Variants in RAB3GAP2 observed in about 807,000 individuals in gnomAD.
The protein encoded by RAB3GAP2 is rab3 GTPase-activating protein non-catalytic subunit.
Under a neutral mutation model 185.3 loss-of-function variants are expected in RAB3GAP2, and 87 were observed. That is an observed-to-expected ratio of 0.47 (90% CI 0.39 to 0.56). The LOEUF (loss-of-function observed/expected upper bound fraction) is 0.56. Ranked by LOEUF, RAB3GAP2 falls within the 20% of genes least tolerant of loss-of-function variation. The probability of loss-of-function intolerance (pLI) is 0.00; values close to 1 mark genes in which losing one functional copy is unlikely to be tolerated. For synonymous variants in RAB3GAP2, 554 were observed against 576.1 expected (o/e 0.96, Z 0.55); for missense variants, 1,492 against 1,638.2 (o/e 0.91, Z 1.54).
Position 220,185,683 on chromosome 1 carries a change from G to A in RAB3GAP2, c.1838C>T (p.Thr613Ile). 1 of 1,612,362 alleles carries A rather than the reference G, an allele frequency of 6.2e-7. No individual in the cohort carries two copies. ...TTTTAAAGTGTCCATTAAAGTCTGA[G>A]TGATGTTTCTAAGGCAAGAAAATGG... ...RLPFSCLRNI[T>I]QTLMDTLKSQ... The change falls in exon 18 of 35, where the codon ACT becomes ATT. Residue 613 changes from threonine to isoleucine, a missense_variant. Thr to Ile is a moderately conservative substitution (Grantham distance 89). This residue lies in a region of RAB3GAP2 where 681 missense variants were observed against 689.1 expected (regional missense o/e 0.99). Coordinates refer to ENST00000358951, the MANE Select transcript of RAB3GAP2 (RefSeq NM_012414.4).
intron 21 of RAB3GAP2, among the ~76,000 whole-genome samples, chr1:220,173,918 G>A (rs1350677830): frequency 6.6e-6 from 1 of 151,296 alleles, no homozygotes; most frequent in Non-Finnish European, 1.5e-5. Flanking sequence ...TACTTGGGAG[G>A]CTGAGGCAGG....
chr1:220,254,136 T>A, intron 1 of RAB3GAP2: 1 of 1,613,894 alleles, frequency 6.2e-7, no homozygotes, highest in East Asian at 2.2e-5. Flanking sequence ...CCAAGAAGAA[T>A]GTGGATTCCA....
intron 21 of RAB3GAP2, among the ~76,000 whole-genome samples, chr1:220,175,718 C>T (rs1434690089): frequency 6.6e-6 from 1 of 152,220 alleles, no homozygotes; most frequent in Non-Finnish European, 1.5e-5. Context: ...TCCAACCAAC[C>T]TCTCCTCTAC....
At chr1:220,227,263 G>A (rs1044288210) in intron 2 of RAB3GAP2, among the ~76,000 whole-genome samples, 14 of 152,138 alleles carry the variant, frequency 9.2e-5, no homozygotes, top group Admixed American at 3.3e-4. Context: ...GGCTACGGCC[G>A]ATAGTGTATA....
chr1:220,167,860 C>T (rs939809164), intron 24 of RAB3GAP2, among the ~76,000 whole-genome samples, 185 bp from the exon 25 acceptor site: 2 of 152,084 alleles, frequency 1.3e-5, no homozygotes, highest in African/African-American at 4.8e-5. Flanking sequence ...GTGAGGGCAA[C>T]AAGTGGGATA....
intron 2 of RAB3GAP2, among the ~76,000 whole-genome samples, chr1:220,219,990 T>G (rs990491579): frequency 6.6e-6 from 1 of 152,202 alleles, no homozygotes; most frequent in African/African-American, 2.4e-5. Flanking sequence ...TTTGGAAAAC[T>G]TCCCCAATAA....
At chr1:220,177,802 T>C (rs1658321226) in intron 21 of RAB3GAP2, among the ~76,000 whole-genome samples, 1 of 152,184 alleles carries the variant, frequency 6.6e-6, no homozygotes, top group Non-Finnish European at 1.5e-5. Context: ...GAACAAGGTC[T>C]ATAGGATCTA....
At chr1:220,206,898 G>A (rs934171798) in intron 7 of RAB3GAP2, among the ~76,000 whole-genome samples, 1 of 152,102 alleles carries the variant, frequency 6.6e-6, no homozygotes, top group African/African-American at 2.4e-5. Context: ...TATTCTCTTG[G>A]CACATTACTA....
chr1:220,255,395 C>A (rs1571932049), intron 1 of RAB3GAP2, among the ~76,000 whole-genome samples: 2 of 152,178 alleles, frequency 1.3e-5, no homozygotes, highest in South Asian at 4.1e-4. Flanking sequence ...TGCAACACCC[C>A]TCCAGCAAGG....
Position 220,256,562 on chromosome 1 carries a change from A to G in RAB3GAP2, c.115+15661T>C, listed in dbSNP as rs535001550. Among the ~76,000 whole-genome samples the G allele has an allele frequency of 2.0e-5, 3 of 152,364 alleles. No homozygotes were observed. The South Asian group carries it at 6.2e-4, about 32-fold the overall frequency. On this transcript the variant is annotated intron_variant, in intron 1 of 34. Coordinates refer to ENST00000358951, the MANE Select transcript of RAB3GAP2 (RefSeq NM_012414.4). ...GAGGAAAATTTACCAAGCAAATGGA[A>G]AACAGAATAAAAGCAGGGGTTGCAA...
intron 27 of RAB3GAP2, among the ~76,000 whole-genome samples, chr1:220,164,529 C>T (rs1658029997): frequency 7.4e-6 from 1 of 135,828 alleles, no homozygotes; most frequent in Non-Finnish European, 1.5e-5. Context: ...AGGCTGGATG[C>T]AGTGGTGTGA....
chr1:220,216,129 T>A (rs115664491), intron 2 of RAB3GAP2, among the ~76,000 whole-genome samples: 10,479 of 152,174 alleles, frequency 0.069, 485 homozygotes, highest in South Asian at 0.12. Flanking sequence ...GGGACAGTCA[T>A]GCAATTATTT....
intron 9 of RAB3GAP2, chr1:220,200,464 G>A: frequency 4.7e-6 from 2 of 429,378 alleles, no homozygotes; most frequent in Admixed American, 2.7e-5. Context: ...ATATTAATAG[G>A]TACTCATTTA....
chr1:220,206,479 C>T (rs142449021), intron 7 of RAB3GAP2, among the ~76,000 whole-genome samples: 87 of 152,262 alleles, frequency 5.7e-4, no homozygotes, highest in African/African-American at 2.0e-3. Flanking sequence ...GTGAACAAAT[C>T]ATTTTTTGTT....
intron 31 of RAB3GAP2, 150 bp downstream of exon 31, chr1:220,157,120 C>T (rs569766171): frequency 2.8e-5 from 21 of 736,958 alleles, no homozygotes; most frequent in East Asian, 8.1e-5. Context: ...ATAAAAAGAA[C>T]GGAATCAAGC....
intron 1 of RAB3GAP2, among the ~76,000 whole-genome samples, chr1:220,242,177 T>C (rs1157274307): frequency 6.6e-6 from 1 of 152,202 alleles, no homozygotes; most frequent in Non-Finnish European, 1.5e-5. Flanking sequence ...CATGATAACA[T>C]GGAATATTTT....
chr1:220,149,189 T>C lies in RAB3GAP2; in HGVS notation c.*2062A>G, dbSNP rs562688241. ...AAAGCCCTTGATAAGTAGTAAAATATTTAACTGCTTTTCTTAACCATACAA... is the reference window on the plus strand; with the variant it reads ...AAAGCCCTTGATAAGTAGTAAAATACTTAACTGCTTTTCTTAACCATACAA... On this transcript the variant is annotated 3_prime_UTR_variant, in exon 35 of 35. Transcript: ENST00000358951. 3.3e-5 allele frequency: 5 copies of C among 152,344 alleles called. No homozygotes were observed. The South Asian group carries it at 1.0e-3, about 32-fold the overall frequency. The allele number at this position is 152,344 out of a possible 1,614,324, so 9.4% of individuals were successfully genotyped here.
intron 29 of RAB3GAP2, 136 bp downstream of exon 29, chr1:220,159,250 T>C: frequency 1.3e-6 from 1 of 742,338 alleles, no homozygotes; most frequent in Non-Finnish European, 2.3e-6. Flanking sequence ...TGCAGTATTC[T>C]CTTTTCATTT....
chr1:220,236,792 G>C (rs1358429026), intron 1 of RAB3GAP2, among the ~76,000 whole-genome samples: 1 of 152,084 alleles, frequency 6.6e-6, no homozygotes, highest in African/African-American at 2.4e-5. Flanking sequence ...TTCCAAGAAG[G>C]ATGGTATTCT....
Sources: gnomAD v4.1 joint callset for allele counts (sites outside exome capture counted in the v4.1 genomes callset) on GRCh38, gnomAD v4.1.1 for gene constraint, gnomAD v4.1.1 regional missense constraint, MANE v1.5 for transcripts, NCBI Gene and HGNC (gene_info 2026-07-23, HGNC 2026-07-21) for gene names.